The following CCNY variants were observed in gnomAD, a reference collection of about 807,000 sequenced individuals.
CCNY encodes cyclin Y, also known as cyclin-Y.
Under a neutral mutation model 42.8 loss-of-function variants are expected in CCNY, and 19 were observed. The ratio of observed to expected loss-of-function variants is 0.44; its 90% CI spans 0.31 to 0.65. The LOEUF (loss-of-function observed/expected upper bound fraction) is 0.65, where lower values mean the gene tolerates loss of function less well. CCNY is among the 30% of genes least tolerant of loss of function. CCNY has a pLI of 0.07. For synonymous variants in CCNY, 165 were observed against 162.7 expected, an observed-to-expected ratio of 1.01 and a Z score of -0.11; for missense variants, 370 against 437.3, an observed-to-expected ratio of 0.85 and a Z score of 1.37.
intron 1 of CCNY, among the ~76,000 whole-genome samples, chr10:35,452,770 TAAAAAAAA>T (rs35849411): frequency 4.1e-4 from 47 of 115,904 alleles, no homozygotes; most frequent in Admixed American, 3.7e-3. Flanking sequence ...TATAGAAAAG[TAAAAAAAA>T]AAAAAAAAAA....
intron 1 of CCNY, among the ~76,000 whole-genome samples, chr10:35,408,076 G>A (rs371649174): frequency 1.4e-4 from 21 of 152,142 alleles, no homozygotes; most frequent in Admixed American, 3.9e-4. Flanking sequence ...GAAGGGTGGC[G>A]CCAAGATTAA....
At chr10:35,294,515 A>C (rs1181526187) in intron 3 of CCNY, among the ~76,000 whole-genome samples, 2 of 152,168 alleles carry the variant, frequency 1.3e-5, no homozygotes, top group Admixed American at 6.5e-5. Flanking sequence ...TATTGAGATA[A>C]TCTTGTGTTT....
intron 3 of CCNY, among the ~76,000 whole-genome samples, chr10:35,277,572 T>C (rs191138307): frequency 1.6e-4 from 24 of 152,320 alleles, no homozygotes; most frequent in Admixed American, 5.2e-4. Context: ...GAACTGGTGA[T>C]AACCAACTGT....
intron 1 of CCNY, among the ~76,000 whole-genome samples, chr10:35,403,772 A>G (rs989998089): frequency 1.3e-5 from 2 of 152,100 alleles, no homozygotes; most frequent in South Asian, 2.1e-4. Context: ...GCTTGCTGAG[A>G]GATAGTGGAG....
chr10:35,439,315 C>T (rs1041896036), intron 1 of CCNY, among the ~76,000 whole-genome samples: 17 of 152,048 alleles, frequency 1.1e-4, no homozygotes, highest in African/African-American at 3.4e-4. Flanking sequence ...GTCTATTTCT[C>T]GATTTCTCTC....
At chr10:35,408,493 A>G (rs762527608) in intron 1 of CCNY, among the ~76,000 whole-genome samples, 1 of 151,582 alleles carries the variant, frequency 6.6e-6, no homozygotes, top group Non-Finnish European at 1.5e-5. Flanking sequence ...TGGATCTCGC[A>G]CATTCTCAAG....
chr10:35,514,621 T>C (rs1440384165), intron 3 of CCNY, among the ~76,000 whole-genome samples: 2 of 152,262 alleles, frequency 1.3e-5, no homozygotes, highest in African/African-American at 4.8e-5. Context: ...ACTTTGTGGC[T>C]TATATTTTCT....
chr10:35,341,369 A>G (rs1564374397), intron 1 of CCNY, among the ~76,000 whole-genome samples: 1 of 152,040 alleles, frequency 6.6e-6, no homozygotes, highest in South Asian at 2.1e-4. Context: ...ACCTTTAAAC[A>G]TCCTTTCTGC....
At chr10:35,318,885 G>A (rs575856139) in intron 3 of CCNY, among the ~76,000 whole-genome samples, 1 of 152,010 alleles carries the variant, frequency 6.6e-6, no homozygotes, top group Non-Finnish European at 1.5e-5. Context: ...CCCTTGAGAC[G>A]TGGTCTCACT....
chr10:35,528,001 A>G (rs1160427991), intron 5 of CCNY, among the ~76,000 whole-genome samples: 2 of 152,132 alleles, frequency 1.3e-5, no homozygotes, highest in African/African-American at 4.8e-5. Context: ...TCTCATTTAT[A>G]TTTTTAGACT....
At chr10:35,385,521 C>A (rs1445920011) in intron 1 of CCNY, among the ~76,000 whole-genome samples, 1 of 152,154 alleles carries the variant, frequency 6.6e-6, no homozygotes, top group Non-Finnish European at 1.5e-5. Context: ...TTGGTACCTG[C>A]AAATTTTAAT....
At position 35,566,150 on chromosome 10, in the gene CCNY, G is replaced by A. The variant is rs759374244; in HGVS notation, c.874G>A (p.Glu292Lys). 1 of 1,614,154 alleles carries A rather than the reference G, an allele frequency of 6.2e-7. No homozygotes were observed. Among genetic ancestry groups the A allele is most frequent in the Non-Finnish European group, 8.5e-7 (1 of 1,180,028 alleles). The change falls in exon 9 of 10, where the codon GAG (glutamate) becomes AAG (lysine). Residue 292 changes from glutamate (E) to lysine (K), a missense_variant. By Grantham distance (56) the Glu-to-Lys change is moderately conservative. This residue lies in a region of CCNY where 234 missense variants were observed against 313.1 expected (regional missense o/e 0.75). Coordinates refer to ENST00000374704, the MANE Select transcript of CCNY (RefSeq NM_145012.6). The part of the protein sequence containing the change: ...AEANNLSFPL[E>K]PLSRERAHKL... ...AGCGAACAACCTGAGCTTTCCCTTGGAGCCCCTGAGCAGGGAGAGGGCTCA... is the reference window on the plus strand; with the variant it reads ...AGCGAACAACCTGAGCTTTCCCTTGAAGCCCCTGAGCAGGGAGAGGGCTCA...
chr10:35,332,385 A>G (rs1835955697), upstream of CCNY: 1 of 152,308 alleles, frequency 6.6e-6, no homozygotes, highest in Non-Finnish European at 1.5e-5. Context: ...TATTTCATGG[A>G]TACGAGTATG....
At chr10:35,543,012 T>A (rs1020636560) in intron 7 of CCNY, among the ~76,000 whole-genome samples, 1 of 152,380 alleles carries the variant, frequency 6.6e-6, no homozygotes, top group East Asian at 1.9e-4. Context: ...CGCACATCAC[T>A]GCCCAGGATT....
chr10:35,265,715 A>C (rs2095724485), intron 3 of CCNY, among the ~76,000 whole-genome samples: 1 of 152,202 alleles, frequency 6.6e-6, no homozygotes, highest in South Asian at 2.1e-4. Context: ...CTTATATGTG[A>C]AGTTTCCTTA....
At chr10:35,288,446 T>G (rs1835378514) in intron 3 of CCNY, among the ~76,000 whole-genome samples, 1 of 152,172 alleles carries the variant, frequency 6.6e-6, no homozygotes. Context: ...ATGTATTTTT[T>G]TCTACAGTCT....
chr10:35,432,374 A>G (rs1294275131), intron 1 of CCNY, among the ~76,000 whole-genome samples: 3 of 152,238 alleles, frequency 2.0e-5, no homozygotes, highest in Admixed American at 2.0e-4. Context: ...GTAAGCACTA[A>G]TAAATGGGGA....
chr10:35,408,490 C>T (rs919375605), intron 1 of CCNY, among the ~76,000 whole-genome samples: 5 of 149,636 alleles, frequency 3.3e-5, no homozygotes, highest in Admixed American at 2.0e-4. Context: ...GGGTGGATCT[C>T]GCACATTCTC....
At chr10:35,455,400 C>G (rs1160899895) in intron 1 of CCNY, 1 of 152,152 alleles carries the variant, frequency 6.6e-6, no homozygotes, top group Non-Finnish European at 1.5e-5. Context: ...TTCCATCAAA[C>G]AAGGGAAGAG....
Sources: gnomAD v4.1 joint callset for allele counts (sites outside exome capture counted in the v4.1 genomes callset) on GRCh38, gnomAD v4.1.1 for gene constraint, gnomAD v4.1.1 regional missense constraint, MANE v1.5 for transcripts, NCBI Gene and HGNC (gene_info 2026-07-23, HGNC 2026-07-21) for gene names.